SLC24A3: variants seen among roughly 807,000 people sequenced by gnomAD.
The protein encoded by SLC24A3 is solute carrier family 24 member 3.
SLC24A3 carries 28 observed loss-of-function variants against 75.8 expected under a neutral mutation model. The observed-to-expected ratio is 0.37, with a 90% CI of 0.27 to 0.51. The LOEUF is 0.51. Ranked by LOEUF, SLC24A3 falls within the 20% of genes least tolerant of loss-of-function variation. SLC24A3 has a pLI of 0.94. For synonymous variants in SLC24A3, 372 were observed against 334.1 expected (o/e 1.11, Z -1.24); for missense variants, 663 against 847.8 (o/e 0.78, Z 2.71).
rs77747965 is a variant in SLC24A3 at position 19,589,777 on chromosome 20, T to A, written c.612+4233T>A. On this transcript the variant is annotated intron_variant, in intron 6 of 16. Coordinates refer to ENST00000328041, the MANE Select transcript of SLC24A3 (RefSeq NM_020689.4). ...GATTCTGTAAAAATATTTGCGGAAA[T>A]ACACCCACTGAGTTTTAAGATAGTT... Among the ~76,000 whole-genome samples, 924 of 152,158 alleles carry A rather than the reference T, an allele frequency of 6.1e-3. 8 individuals carry two copies. The highest frequency in any genetic ancestry group is 0.021 in the African/African-American group (867 of 41,486).
chr20:19,252,510 A>G (rs1419554363), intron 1 of SLC24A3, among the ~76,000 whole-genome samples: 1 of 152,210 alleles, frequency 6.6e-6, no homozygotes, highest in African/African-American at 2.4e-5. Context: ...GATTTTAATC[A>G]TTGCTGTCAT....
chr20:19,254,601 G>A (rs879608567), intron 1 of SLC24A3, among the ~76,000 whole-genome samples: 5 of 152,164 alleles, frequency 3.3e-5, no homozygotes, highest in Non-Finnish European at 7.3e-5. Context: ...GATAACTCAC[G>A]AAGAAAAGGA....
intron 2 of SLC24A3, among the ~76,000 whole-genome samples, chr20:19,401,227 G>A (rs1280957007): frequency 6.6e-6 from 1 of 152,210 alleles, no homozygotes; most frequent in Admixed American, 6.5e-5. Flanking sequence ...GACAGTGGCT[G>A]AAGCACGAGT....
chr20:19,232,724 G>A (rs762082504), intron 1 of SLC24A3, among the ~76,000 whole-genome samples: 67 of 152,188 alleles, frequency 4.4e-4, no homozygotes, highest in Non-Finnish European at 9.3e-4. Flanking sequence ...TAAGCTATCT[G>A]CCTTTAGGCT....
At chr20:19,527,266 T>G (rs1283183498) in intron 3 of SLC24A3, among the ~76,000 whole-genome samples, 6 of 152,342 alleles carry the variant, frequency 3.9e-5, no homozygotes, top group Non-Finnish European at 2.9e-5. Context: ...CCCAGAATGA[T>G]GTTGGAGACC....
intron 2 of SLC24A3, among the ~76,000 whole-genome samples, chr20:19,331,081 G>A (rs1984987825): frequency 6.6e-6 from 1 of 152,210 alleles, no homozygotes; most frequent in Non-Finnish European, 1.5e-5. Context: ...AGGTGGGACA[G>A]CTAATTAACC....
chr20:19,580,836 G>A (rs751652168), intron 4 of SLC24A3, among the ~76,000 whole-genome samples: 4 of 152,076 alleles, frequency 2.6e-5, no homozygotes, highest in Admixed American at 6.5e-5. Flanking sequence ...CACATCTGTC[G>A]AGAACTCGGT....
At chr20:19,699,335 C>A (rs1424423225) in intron 15 of SLC24A3, among the ~76,000 whole-genome samples, 2 of 152,222 alleles carry the variant, frequency 1.3e-5, no homozygotes, top group Non-Finnish European at 2.9e-5. Context: ...GGGAGAGGGT[C>A]ACAGAATTCC....
At chr20:19,386,849 A>C (rs114818601) in intron 2 of SLC24A3, among the ~76,000 whole-genome samples, 1,830 of 152,242 alleles carry the variant, frequency 0.012, 36 homozygotes, top group African/African-American at 0.039. Context: ...ATCTATGCTC[A>C]TCAGATATAT....
At chr20:19,260,633 A>G (rs534481037) in intron 1 of SLC24A3, among the ~76,000 whole-genome samples, 1 of 152,260 alleles carries the variant, frequency 6.6e-6, no homozygotes, top group Non-Finnish European at 1.5e-5. Context: ...CATCCTCTGC[A>G]TGAATTTGTG....
At chr20:19,382,140 A>C (rs1986193013) in intron 2 of SLC24A3, among the ~76,000 whole-genome samples, 1 of 152,250 alleles carries the variant, frequency 6.6e-6, no homozygotes, top group African/African-American at 2.4e-5. Context: ...CTTGATAAAC[A>C]TGTCACCAAT....
intron 1 of SLC24A3, among the ~76,000 whole-genome samples, chr20:19,218,051 A>G (rs530618334): frequency 6.6e-6 from 1 of 152,312 alleles, no homozygotes; most frequent in African/African-American, 2.4e-5. Flanking sequence ...TCTGTACCCC[A>G]GTCACTGGCC....
At chr20:19,364,466 T>C (rs536038990) in intron 2 of SLC24A3, among the ~76,000 whole-genome samples, 1 of 151,320 alleles carries the variant, frequency 6.6e-6, no homozygotes, top group Admixed American at 6.6e-5. Flanking sequence ...AACTTTTTTT[T>C]CTTTCTTGAG....
intron 2 of SLC24A3, among the ~76,000 whole-genome samples, chr20:19,354,734 A>G (rs1985645615): frequency 6.6e-6 from 1 of 152,084 alleles, no homozygotes; most frequent in Non-Finnish European, 1.5e-5. Flanking sequence ...GTAGTACTGC[A>G]CTAGAGTGGC....
intron 1 of SLC24A3, among the ~76,000 whole-genome samples, chr20:19,264,399 GTC>G (rs1983095196): frequency 6.6e-6 from 1 of 152,126 alleles, no homozygotes; most frequent in South Asian, 2.1e-4. Flanking sequence ...TACGCTATGT[GTC>G]TCTCTGCTTC....
chr20:19,479,846 G>T lies in SLC24A3; in HGVS notation c.272-35642G>T, dbSNP rs184767989. 1.8e-3 allele frequency among the ~76,000 whole-genome samples: 273 copies of T among 152,266 alleles called. 1 individual carries two copies. The highest frequency in any genetic ancestry group is 6.2e-3 in the African/African-American group (259 of 41,552). ...TGCATGAGGACCATGAATGCTTAAG[G>T]CACATGGTTGGGACACTGACAGCCC... On this transcript the variant is annotated intron_variant, in intron 2 of 16. Coordinates refer to ENST00000328041, the MANE Select transcript of SLC24A3 (RefSeq NM_020689.4).
At chr20:19,301,424 C>A (rs1251011295) in intron 2 of SLC24A3, among the ~76,000 whole-genome samples, 1 of 152,140 alleles carries the variant, frequency 6.6e-6, no homozygotes, top group South Asian at 2.1e-4. Flanking sequence ...GCCCAGAAAT[C>A]GATAGAATGC....
At chr20:19,281,339 C>G (rs774059487) in intron 2 of SLC24A3, among the ~76,000 whole-genome samples, 13 of 152,132 alleles carry the variant, frequency 8.5e-5, no homozygotes, top group Non-Finnish European at 1.9e-4. Flanking sequence ...GTACTGAGAT[C>G]AGATGTGGAG....
intron 2 of SLC24A3, among the ~76,000 whole-genome samples, chr20:19,504,276 C>T (rs761343622): frequency 6.0e-4 from 91 of 152,128 alleles, no homozygotes; most frequent in Non-Finnish European, 8.5e-4. Context: ...CTGTTATTAT[C>T]CTCCCATCTA....
Sources: gnomAD v4.1 joint callset for allele counts (sites outside exome capture counted in the v4.1 genomes callset) on GRCh38, gnomAD v4.1.1 for gene constraint, MANE v1.5 for transcripts, NCBI Gene and HGNC (gene_info 2026-07-23, HGNC 2026-07-21) for gene names.